The following ERI1 variants were observed in gnomAD, a reference collection of about 807,000 sequenced individuals.
The protein encoded by ERI1 is 3'-5' exoribonuclease 1.
A neutral mutation model predicts 39.7 loss-of-function variants in ERI1; 39 were observed. The observed-to-expected ratio is 0.98, with a 90% CI of 0.76 to 1.28. The LOEUF (loss-of-function observed/expected upper bound fraction) is 1.28. ERI1 is among the 50% of genes most tolerant of loss of function. The pLI, the probability that ERI1 is intolerant of heterozygous loss-of-function variation, is 0.00. For missense variants in ERI1, 581 were observed against 416.9 expected (o/e 1.39, Z -3.43); for synonymous variants, 204 against 149.6 (o/e 1.36, Z -2.65).
In ERI1 at chr8:9,029,905, T is replaced by A. The variant is rs1210130363; in HGVS notation, c.921T>A (p.Val307=). The A allele has an allele frequency of 6.2e-7, 1 of 1,614,166 alleles. No homozygotes were observed. The highest frequency in any genetic ancestry group is 2.2e-5 in the East Asian group (1 of 44,874). ...DDSKNIARIA[V]RMLQDGCELR... ...CTAAGAATATCGCCCGAATAGCAGT[T>A]CGAATGCTTCAGGATGGGTGTGAAC... The change falls in exon 7 of 7, where the codon GTT becomes GTA. Residue 307 remains valine (V), a synonymous_variant. Coordinates refer to ENST00000250263, the MANE Select transcript of ERI1 (RefSeq NM_153332.4).
chr8:9,096,264 A>G (rs1480850700), intron 3 of ERI1, among the ~76,000 whole-genome samples: 1 of 152,168 alleles, frequency 6.6e-6, no homozygotes, highest in East Asian at 1.9e-4. Flanking sequence ...CAGGTCCTCT[A>G]AGGGTTTCCT....
rs186845244 is a variant in ERI1, at chr8:9,057,184, G to A, written n.299+36720G>A. Among the ~76,000 whole-genome samples, 400 of 150,888 alleles carry A rather than the reference G, an allele frequency of 2.7e-3. 3 individuals carry two copies. The highest frequency in any genetic ancestry group is 9.0e-3 in the African/African-American group (368 of 41,048). The stretch of plus-strand genomic sequence containing the variant: ...GTTTGAGACAGGGACTCGCTCTGTC[G>A]CCCAGGCTGGAGTATGGTGGTGCAA... On this transcript the variant is annotated intron_variant and non_coding_transcript_variant, in intron 3 of 3. Coordinates refer to the ERI1 transcript ENST00000518663.
chr8:9,011,807 T>C, intron 3 of ERI1, 55 bp downstream of exon 3: 2 of 1,370,382 alleles, frequency 1.5e-6, no homozygotes, highest in South Asian at 1.3e-5. Context: ...TTCTGGTGTT[T>C]ACTGGTTATG....
rs139801213 is a variant in ERI1 at position 9,072,951 on chromosome 8, T to C, written n.300-43397T>C. ...ATGCGTCTTTCGGCCTCCTCTGAAA[T>C]ACAAAAACATTTTGTGGTCTAGCTG... is the stretch of plus-strand genomic sequence containing the variant. On this transcript the variant is annotated intron_variant and non_coding_transcript_variant, in intron 3 of 3. Coordinates refer to the ERI1 transcript ENST00000518663. Among the ~76,000 whole-genome samples, 343 of 152,352 alleles carry C rather than the reference T, an allele frequency of 2.3e-3. 1 individual carries two copies. Among genetic ancestry groups the C allele is most frequent in the Non-Finnish European group, 3.6e-3 (246 of 68,034 alleles).
intron 3 of ERI1, among the ~76,000 whole-genome samples, chr8:9,076,891 T>G (rs1051407568): frequency 2.0e-5 from 3 of 151,976 alleles, no homozygotes; most frequent in Admixed American, 6.5e-5. Flanking sequence ...TGGGGCAGAG[T>G]TGATGATTTA....
chr8:9,080,441 C>G (rs921246391), intron 3 of ERI1, among the ~76,000 whole-genome samples: 2 of 152,166 alleles, frequency 1.3e-5, no homozygotes, highest in African/African-American at 4.8e-5. Context: ...GCAGTAAGAA[C>G]CAGTTAGCAG....
intron 3 of ERI1, among the ~76,000 whole-genome samples, chr8:9,038,647 C>T (rs1204967974): frequency 6.6e-6 from 1 of 152,114 alleles, no homozygotes; most frequent in Non-Finnish European, 1.5e-5. Flanking sequence ...GTCCCATCTA[C>T]TTGGGGGGCT....
At chr8:9,061,906 T>C (rs1004897664) in intron 3 of ERI1, among the ~76,000 whole-genome samples, 19 of 151,648 alleles carry the variant, frequency 1.3e-4, no homozygotes, top group Non-Finnish European at 2.6e-4. Context: ...TGCAAAGGAA[T>C]AGTAAAGAAA....
At chr8:9,080,096 A>G (rs1287300278) in intron 3 of ERI1, among the ~76,000 whole-genome samples, 1 of 151,964 alleles carries the variant, frequency 6.6e-6, no homozygotes, top group African/African-American at 2.4e-5. Context: ...TTGGCTGTAC[A>G]TTGTTAGGCT....
chr8:9,047,657 C>G (rs184573162), intron 3 of ERI1, among the ~76,000 whole-genome samples: 25 of 151,996 alleles, frequency 1.6e-4, no homozygotes, highest in African/African-American at 5.8e-4. Flanking sequence ...TATGATAGCA[C>G]AATTGCACTC....
intron 6 of ERI1, among the ~76,000 whole-genome samples, chr8:9,021,984 T>C (rs1817958231): frequency 6.6e-6 from 1 of 152,054 alleles, no homozygotes; most frequent in Non-Finnish European, 1.5e-5. Flanking sequence ...CCCTGGTGTC[T>C]GTGCACTCGT....
chr8:9,057,527 C>G (rs1319121992), intron 3 of ERI1, among the ~76,000 whole-genome samples: 1 of 152,126 alleles, frequency 6.6e-6, no homozygotes, highest in Non-Finnish European at 1.5e-5. Flanking sequence ...GTTTGCAAAA[C>G]AAGTGTTAGG....
intron 3 of ERI1, among the ~76,000 whole-genome samples, chr8:9,078,550 A>T (rs1374639152): frequency 6.6e-6 from 1 of 152,194 alleles, no homozygotes; most frequent in East Asian, 1.9e-4. Flanking sequence ...GTGTTTTTTA[A>T]GTCTAATCAA....
downstream of ERI1, among the ~76,000 whole-genome samples, chr8:9,034,991 C>T (rs891330192): frequency 6.6e-6 from 1 of 152,150 alleles, no homozygotes; most frequent in African/African-American, 2.4e-5. Context: ...TTCCTTAAGC[C>T]AAAGCCTAAT....
chr8:9,016,887 A>G (rs1444010654), intron 4 of ERI1, among the ~76,000 whole-genome samples: 1 of 152,018 alleles, frequency 6.6e-6, no homozygotes, highest in Non-Finnish European at 1.5e-5. Context: ...TGGTTTCGCC[A>G]TATTGGCCAG....
chr8:9,037,460 C>T (rs1797888504), downstream of ERI1, among the ~76,000 whole-genome samples: 2 of 151,276 alleles, frequency 1.3e-5, no homozygotes, highest in East Asian at 1.9e-4. Flanking sequence ...TTGGGCCCTT[C>T]ATTTGTGCTG....
chr8:9,008,436 C>G (rs964418391), intron 2 of ERI1, among the ~76,000 whole-genome samples: 1 of 151,978 alleles, frequency 6.6e-6, no homozygotes, highest in African/African-American at 2.4e-5. Flanking sequence ...TTTTTAGTTG[C>G]TCATTTAAAT....
At chr8:9,085,006 G>C (rs1182405457) in intron 3 of ERI1, among the ~76,000 whole-genome samples, 3 of 152,056 alleles carry the variant, frequency 2.0e-5, no homozygotes, top group African/African-American at 7.2e-5. Context: ...CCAACCAACA[G>C]CATCAACATC....
intron 3 of ERI1, among the ~76,000 whole-genome samples, chr8:9,087,128 AC>A (rs1414491137): frequency 6.6e-6 from 1 of 151,984 alleles, no homozygotes; most frequent in Non-Finnish European, 1.5e-5. Context: ...GGTTTGCTGC[AC>A]CCACCAACCC....
Sources: gnomAD v4.1 joint callset for allele counts (sites outside exome capture counted in the v4.1 genomes callset) on GRCh38, gnomAD v4.1.1 for gene constraint, MANE v1.5 for transcripts, NCBI Gene and HGNC (gene_info 2026-07-23, HGNC 2026-07-21) for gene names.